The following XPO6 variants were observed in gnomAD, a reference collection of about 807,000 sequenced individuals.
XPO6 encodes the protein exportin-6.
Under a neutral mutation model 130.0 loss-of-function variants are expected in XPO6, and 3 were observed. The observed-to-expected ratio is 0.02, with a 90% CI of 0.01 to 0.06. XPO6 has a LOEUF of 0.06. Among genes scored for constraint, XPO6 ranks in the 10% least tolerant of loss-of-function variants. The pLI is 1.00. For synonymous variants in XPO6, 524 were observed against 548.9 expected (o/e 0.95, Z 0.63); for missense variants, 970 against 1,393.0 (o/e 0.70, Z 4.83).
intron 1 of XPO6, among the ~76,000 whole-genome samples, chr16:28,207,990 CA>C (rs916837533): frequency 2.9e-5 from 4 of 136,576 alleles, no homozygotes; most frequent in African/African-American, 1.2e-4. Flanking sequence ...ACTAAAAATA[CA>C]AAACAAAAAA....
At chr16:28,205,426 T>G (rs933707982) in intron 1 of XPO6, among the ~76,000 whole-genome samples, 1 of 152,154 alleles carries the variant, frequency 6.6e-6, no homozygotes, top group Non-Finnish European at 1.5e-5. Context: ...TCCTCATCCT[T>G]CAAGACTCAA....
At chr16:28,114,891 A>C (rs2087016623) in intron 15 of XPO6, among the ~76,000 whole-genome samples, 1 of 152,180 alleles carries the variant, frequency 6.6e-6, no homozygotes, top group Non-Finnish European at 1.5e-5. Flanking sequence ...TGTTATTTCA[A>C]CAATGTTCAC....
rs76503454 is a variant in XPO6, at chr16:28,104,797, G to A, written c.2785-90C>T. ...AGCAAAGATGCCTAGGAGACGCCTC[G>A]TGACAGCAAGCCGAGTGTCAACACT... On this transcript the variant is annotated intron_variant, in intron 20 of 23. Coordinates refer to ENST00000304658, the MANE Select transcript of XPO6 (RefSeq NM_015171.4). 6,076 of 1,444,422 alleles carry A rather than the reference G, an allele frequency of 4.2e-3. 17 individuals are homozygous for A. Among genetic ancestry groups the A allele is most frequent in the Non-Finnish European group, 5.1e-3 (5,367 of 1,062,674 alleles). The allele number at this position is 1,444,422 out of a possible 1,614,324, so 89.5% of individuals were successfully genotyped here.
chr16:28,100,123 G>T (rs935377081), intron 23 of XPO6, among the ~76,000 whole-genome samples: 1 of 152,124 alleles, frequency 6.6e-6, no homozygotes, highest in African/African-American at 2.4e-5. Flanking sequence ...AAGCAGCTGG[G>T]ATTACAGGCG....
chr16:28,207,690 A>G (rs558337790), intron 1 of XPO6, among the ~76,000 whole-genome samples: 56 of 152,168 alleles, frequency 3.7e-4, no homozygotes, highest in Non-Finnish European at 6.8e-4. Context: ...GCAGCACCCA[A>G]AGAGCACAGG....
chr16:28,119,498 T>C (rs1172682792), intron 14 of XPO6, among the ~76,000 whole-genome samples: 1 of 152,198 alleles, frequency 6.6e-6, no homozygotes, highest in Non-Finnish European at 1.5e-5. Flanking sequence ...TTGTAGGACA[T>C]GCTTTTAAAA....
In XPO6 at chr16:28,101,320, C is replaced by T. The variant is rs1415371424; in HGVS notation, c.3276+138G>A. ...GCTACAGCACCAGGTCAGCAGGCATCTCGTGAGCTGCCGCCAAGCTGCAGG... is the reference window on the plus strand; with the variant it reads ...GCTACAGCACCAGGTCAGCAGGCATTTCGTGAGCTGCCGCCAAGCTGCAGG... On this transcript the variant is annotated intron_variant, in intron 23 of 23. Coordinates refer to ENST00000304658, the MANE Select transcript of XPO6 (RefSeq NM_015171.4). This position sits in a 1 kb window ranked among gnomAD's most constrained non-coding sequence, Gnocchi z 5.4. 4.0e-6 allele frequency: 3 copies of T among 754,724 alleles called. No individual in the cohort carries two copies. The Admixed American group carries it at 6.0e-5, about 15-fold the overall frequency. 46.8% of individuals were successfully genotyped at this position (754,724 alleles called of 1,614,324 possible).
chr16:28,143,137 C>T (rs1443098164), intron 9 of XPO6, among the ~76,000 whole-genome samples: 1 of 152,204 alleles, frequency 6.6e-6, no homozygotes, highest in Non-Finnish European at 1.5e-5. Flanking sequence ...GAAAAATTCC[C>T]ACTGTTTCAA....
At chr16:28,122,658 T>G (rs1056778182) in intron 13 of XPO6, among the ~76,000 whole-genome samples, 1 of 152,070 alleles carries the variant, frequency 6.6e-6, no homozygotes. Flanking sequence ...AAAAAACTGC[T>G]CTTTTGGCAG....
At chr16:28,175,796 G>A (rs919870227) in intron 4 of XPO6, 102 bp downstream of exon 4, 1 of 1,028,660 alleles carries the variant, frequency 9.7e-7, no homozygotes, top group East Asian at 2.5e-5. Flanking sequence ...CACTACTGCA[G>A]TTCCAAACTG....
At chr16:28,115,240 A>G (rs1336160663) in intron 15 of XPO6, among the ~76,000 whole-genome samples, 4 of 152,236 alleles carry the variant, frequency 2.6e-5, no homozygotes, top group African/African-American at 9.6e-5. Context: ...GCCCAGATCC[A>G]CTGGAGGAAC....
intron 1 of XPO6, among the ~76,000 whole-genome samples, chr16:28,193,649 G>A (rs2043816498): frequency 6.6e-6 from 1 of 152,128 alleles, no homozygotes; most frequent in Non-Finnish European, 1.5e-5. Flanking sequence ...CTTTCTGGAG[G>A]GAGTCGGTGC....
At chr16:28,155,192 T>C (rs1315605386) in intron 7 of XPO6, among the ~76,000 whole-genome samples, 2 of 152,214 alleles carry the variant, frequency 1.3e-5, no homozygotes, top group Non-Finnish European at 1.5e-5. Flanking sequence ...TATAGCTTAA[T>C]AACAAAGGAC....
chr16:28,190,331 T>C (rs1214868602), intron 1 of XPO6, among the ~76,000 whole-genome samples: 1 of 151,936 alleles, frequency 6.6e-6, no homozygotes, highest in African/African-American at 2.4e-5. Flanking sequence ...GCAATTCTCG[T>C]GTCTCAGCCT....
At chr16:28,152,201 A>G (rs2043105563) in intron 8 of XPO6, among the ~76,000 whole-genome samples, 1 of 152,212 alleles carries the variant, frequency 6.6e-6, no homozygotes, top group Admixed American at 6.5e-5. Context: ...TAGGAGCTCA[A>G]AAAATATTTG....
chr16:28,197,295 A>G (rs777601885), intron 1 of XPO6, among the ~76,000 whole-genome samples: 4 of 152,182 alleles, frequency 2.6e-5, no homozygotes, highest in Admixed American at 6.5e-5. Flanking sequence ...TTGAAAAGTA[A>G]CTAACTTACG....
intron 9 of XPO6, among the ~76,000 whole-genome samples, chr16:28,137,581 C>G (rs1477879119): frequency 6.6e-6 from 1 of 151,998 alleles, no homozygotes; most frequent in Non-Finnish European, 1.5e-5. Flanking sequence ...GAGAATCAGT[C>G]TACAGACCAC....
chr16:28,117,070 AATG>A lies in XPO6; in HGVS notation c.2004+245_2004+247del, dbSNP rs140074462. 887 of 441,634 alleles carry A rather than the reference AATG, an allele frequency of 2.0e-3. 8 individuals carry two copies. Among genetic ancestry groups the A allele is most frequent in the African/African-American group, 0.016 (828 of 51,822 alleles). 27.4% of individuals were successfully genotyped at this position (441,634 alleles called of 1,614,324 possible). A position where few individuals can be genotyped will look rare whatever the true frequency, so the allele number is the denominator to read the frequency against. On this transcript the variant is annotated intron_variant, in intron 15 of 23. Coordinates refer to ENST00000304658, the MANE Select transcript of XPO6 (RefSeq NM_015171.4). ...CACAACTTTTTAGTCTGGAAATCTG[AATG>A]ATATTTTACTTTTTCACAGTGAGCA... is the stretch of plus-strand genomic sequence containing the variant.
chr16:28,182,397 A>C (rs1427115717), intron 1 of XPO6, among the ~76,000 whole-genome samples: 1 of 152,192 alleles, frequency 6.6e-6, no homozygotes, highest in Non-Finnish European at 1.5e-5. Context: ...ACCAACACAC[A>C]CAAGTGCACT....
Sources: gnomAD v4.1 joint callset for allele counts (sites outside exome capture counted in the v4.1 genomes callset) on GRCh38, gnomAD v4.1.1 for gene constraint, Gnocchi (gnomAD v3.1) non-coding constraint, MANE v1.5 for transcripts, NCBI Gene and HGNC (gene_info 2026-07-23, HGNC 2026-07-21) for gene names.